The following SETBP1 variants were observed in gnomAD, a reference collection of about 807,000 sequenced individuals.
SETBP1 encodes the protein SET binding protein 1.
A neutral mutation model predicts 101.0 loss-of-function variants in SETBP1; 9 were observed. That is an observed-to-expected ratio of 0.09 (90% CI 0.05 to 0.16). The LOEUF (loss-of-function observed/expected upper bound fraction) is 0.16, where lower values mean the gene tolerates loss of function less well. Ranked by LOEUF, SETBP1 falls within the 10% of genes least tolerant of loss-of-function variation. The pLI, the probability that SETBP1 is intolerant of heterozygous loss-of-function variation, is 1.00. For synonymous variants in SETBP1, 818 were observed against 788.5 expected, an observed-to-expected ratio of 1.04 and a Z score of -0.63; for missense variants, 1,858 against 2,033.8, an observed-to-expected ratio of 0.91 and a Z score of 1.66.
intron 4 of SETBP1, among the ~76,000 whole-genome samples, chr18:45,031,988 A>G (rs1413121906): frequency 6.6e-6 from 1 of 152,114 alleles, no homozygotes; most frequent in Admixed American, 6.6e-5. Context: ...AAAGAAATGT[A>G]ATTTCTGCTT....
intron 4 of SETBP1, among the ~76,000 whole-genome samples, chr18:45,017,036 T>G (rs897942467): frequency 2.6e-5 from 4 of 152,178 alleles, no homozygotes; most frequent in African/African-American, 9.7e-5. Flanking sequence ...TCTCGTCCTT[T>G]GTTTTCTTGC....
chr18:44,815,076 C>T (rs2071947165), intron 2 of SETBP1, among the ~76,000 whole-genome samples: 1 of 152,218 alleles, frequency 6.6e-6, no homozygotes, highest in African/African-American at 2.4e-5. Context: ...CTGGCCTTGG[C>T]ACATCCTGTG....
chr18:44,714,782 T>C (rs758793246), intron 2 of SETBP1, among the ~76,000 whole-genome samples: 2 of 152,002 alleles, frequency 1.3e-5, no homozygotes, highest in Non-Finnish European at 2.9e-5. Flanking sequence ...TCAGGACATT[T>C]AGGGAAAAAC....
chr18:44,685,481 G>A (rs936618625), intron 1 of SETBP1, among the ~76,000 whole-genome samples: 2 of 152,142 alleles, frequency 1.3e-5, no homozygotes, highest in African/African-American at 2.4e-5. Flanking sequence ...GGGGCCAGAC[G>A]GCTGTGGCAA....
intron 2 of SETBP1, among the ~76,000 whole-genome samples, chr18:44,838,587 C>A (rs904467125): frequency 5.3e-5 from 8 of 152,118 alleles, no homozygotes; most frequent in African/African-American, 1.9e-4. Flanking sequence ...GACAGGTGTA[C>A]CATTTACATC....
intron 2 of SETBP1, among the ~76,000 whole-genome samples, chr18:44,811,893 G>A (rs1599160770): frequency 2.0e-5 from 3 of 152,194 alleles, no homozygotes; most frequent in Admixed American, 6.5e-5. Context: ...GAGGCAGTTG[G>A]CTTTTCATGC....
At chr18:44,702,762 G>A (rs1474233731) in intron 2 of SETBP1, among the ~76,000 whole-genome samples, 1 of 152,154 alleles carries the variant, frequency 6.6e-6, no homozygotes, top group Non-Finnish European at 1.5e-5. Context: ...GACTCTCACA[G>A]AGCTGAAAAA....
intron 5 of SETBP1, among the ~76,000 whole-genome samples, chr18:45,051,010 A>G (rs2073711885): frequency 6.6e-6 from 1 of 152,214 alleles, no homozygotes; most frequent in Non-Finnish European, 1.5e-5. Flanking sequence ...TTTGGGCTTT[A>G]CATATGGAAA....
intron 2 of SETBP1, among the ~76,000 whole-genome samples, chr18:44,788,868 G>C (rs2071307710): frequency 7.9e-6 from 1 of 125,894 alleles, no homozygotes. Flanking sequence ...CGTGATCATT[G>C]CTTACTGCAG....
chr18:44,944,605 C>A (rs1388743730), intron 3 of SETBP1, among the ~76,000 whole-genome samples: 4 of 152,110 alleles, frequency 2.6e-5, no homozygotes, highest in Non-Finnish European at 5.9e-5. Context: ...GTGCCATGTT[C>A]CAAATTAAGA....
chr18:44,846,248 A>C (rs766589903), intron 2 of SETBP1, among the ~76,000 whole-genome samples: 4 of 152,186 alleles, frequency 2.6e-5, no homozygotes, highest in Non-Finnish European at 4.4e-5. Context: ...TTAAAGTTTA[A>C]TGCTCCCATA....
chr18:44,735,304 G>A (rs1364410532), intron 2 of SETBP1, among the ~76,000 whole-genome samples: 3 of 152,142 alleles, frequency 2.0e-5, no homozygotes, highest in Admixed American at 1.3e-4. Context: ...TTCAGTTGCT[G>A]GCAGTTTAGC....
At position 44,775,655 on chromosome 18, in the gene SETBP1, C is replaced by T. The variant is rs1215927302; in HGVS notation, c.486+73823C>T. Among the ~76,000 whole-genome samples, 5 of 150,332 alleles carry T rather than the reference C, an allele frequency of 3.3e-5. 1 individual carries two copies. Among genetic ancestry groups the T allele is most frequent in the African/African-American group, 7.3e-5 (3 of 41,024 alleles). Reference sequence around the variant, plus strand: ...CTCAATTCAGGTGATTAGGATGGAGCGTACTTTTCATGTTTAGGTCAGTTT... The same window carrying T: ...CTCAATTCAGGTGATTAGGATGGAGTGTACTTTTCATGTTTAGGTCAGTTT... On this transcript the variant is annotated intron_variant, in intron 2 of 5. Transcript: ENST00000649279.
At chr18:44,751,361 C>G (rs185103621) in intron 2 of SETBP1, among the ~76,000 whole-genome samples, 5 of 152,246 alleles carry the variant, frequency 3.3e-5, no homozygotes, top group African/African-American at 1.2e-4. Context: ...AGAGATAGAG[C>G]AGAGAGCTGG....
intron 2 of SETBP1, among the ~76,000 whole-genome samples, chr18:44,781,365 G>A (rs1042110747): frequency 3.3e-5 from 5 of 151,804 alleles, no homozygotes; most frequent in Non-Finnish European, 7.4e-5. Flanking sequence ...TATTCTGATT[G>A]GCATAACTCC....
chr18:44,699,226 AG>A (rs1419538593), intron 1 of SETBP1, among the ~76,000 whole-genome samples: 1 of 152,192 alleles, frequency 6.6e-6, no homozygotes, highest in African/African-American at 2.4e-5. Context: ...TTCCTGCCAA[AG>A]GGAATAGACT....
chr18:44,943,178 T>C (rs1340935499), intron 3 of SETBP1, among the ~76,000 whole-genome samples: 1 of 152,224 alleles, frequency 6.6e-6, no homozygotes, highest in Non-Finnish European at 1.5e-5. Flanking sequence ...ATTCCTCCTG[T>C]TCATGAGCAT....
Position 44,951,602 on chromosome 18 carries a change from C to A in SETBP1, c.2262C>A (p.Ser754Arg). ...TAIKHPRPVS[S>R]QPDVPAVPSN... The stretch of plus-strand genomic sequence containing the variant: ...TCAAGCACCCCAGGCCTGTTTCTAG[C>A]CAGCCGGATGTTCCAGCCGTGCCTT... Residue 754 changes from serine (S) to arginine (R), a missense_variant, in exon 4 of 6, where the codon AGC becomes AGA. Ser to Arg is a moderately radical substitution (Grantham distance 110). This residue lies in a region of SETBP1 where 121 missense variants were observed against 138.0 expected (regional missense o/e 0.88). Coordinates refer to ENST00000649279, the MANE Select transcript of SETBP1 (RefSeq NM_015559.3). This position sits in a 1 kb window ranked among gnomAD's most constrained non-coding sequence, Gnocchi z 7.8. The A allele has an allele frequency of 6.2e-7, 1 of 1,614,190 alleles. No homozygotes were observed. The highest frequency in any genetic ancestry group is 8.5e-7 in the Non-Finnish European group (1 of 1,180,024).
chr18:44,760,578 C>T (rs1048658690), intron 2 of SETBP1, among the ~76,000 whole-genome samples: 3 of 152,184 alleles, frequency 2.0e-5, no homozygotes, highest in African/African-American at 7.2e-5. Context: ...GCTGACACAC[C>T]TCCTCTTTCC....
Sources: gnomAD v4.1 joint callset for allele counts (sites outside exome capture counted in the v4.1 genomes callset) on GRCh38, gnomAD v4.1.1 for gene constraint, gnomAD v4.1.1 regional missense constraint, Gnocchi (gnomAD v3.1) non-coding constraint, MANE v1.5 for transcripts, NCBI Gene and HGNC (gene_info 2026-07-23, HGNC 2026-07-21) for gene names.